Variants in TTC28 observed in about 807,000 individuals in gnomAD.
TTC28 encodes the protein tetratricopeptide repeat domain 28, also known as tetratricopeptide repeat protein 28.
A neutral mutation model predicts 198.0 loss-of-function variants in TTC28; 61 were observed. That is an observed-to-expected ratio of 0.31 (90% confidence interval 0.25 to 0.38). The LOEUF (loss-of-function observed/expected upper bound fraction) is 0.38. Ranked by LOEUF, TTC28 falls within the 10% of genes least tolerant of loss-of-function variation. TTC28 has a pLI of 1.00. For synonymous variants in TTC28, 1,171 were observed against 1,297.8 expected, an observed-to-expected ratio of 0.90 and a Z score of 2.10; for missense variants, 2,678 against 3,164.0, an observed-to-expected ratio of 0.85 and a Z score of 3.69.
intron 12 of TTC28, among the ~76,000 whole-genome samples, chr22:28,050,755 T>C (rs911037912): frequency 2.0e-5 from 3 of 152,170 alleles, no homozygotes; most frequent in East Asian, 1.9e-4. Context: ...GAGAATATTA[T>C]AGCAAAACTC....
chr22:28,196,275 CA>C (rs1925327457), intron 5 of TTC28, among the ~76,000 whole-genome samples: 1 of 152,042 alleles, frequency 6.6e-6, no homozygotes, highest in East Asian at 1.9e-4. Flanking sequence ...ATACCTTATA[CA>C]AAAATTAATT....
rs1937171776 is a variant in TTC28 at position 27,985,271 on chromosome 22, G to A, written c.5793C>T (p.Leu1931=). 1 of 1,551,420 alleles carries A rather than the reference G, an allele frequency of 6.4e-7. No homozygotes were observed. The part of the protein sequence containing the change: ...QANRRTVHFA[L]QSLLSLFDST... ...TACCAAACAGAGACAGCAGGGACTG[G>A]AGCGCGAAGTGCACAGTCCGTCGAT... is the stretch of plus-strand genomic sequence containing the variant. The change falls in exon 22 of 23, where the codon CTC becomes CTT. Residue 1931 remains leucine (L), a synonymous_variant. Coordinates refer to ENST00000397906, the MANE Select transcript of TTC28 (RefSeq NM_001145418.2).
At chr22:28,592,782 C>A (rs1448330485) in intron 2 of TTC28, among the ~76,000 whole-genome samples, 2 of 151,938 alleles carry the variant, frequency 1.3e-5, no homozygotes, top group Admixed American at 6.6e-5. Flanking sequence ...TTTTTGTTTT[C>A]TATTACCAAT....
chr22:28,002,368 G>A (rs1205616670), intron 14 of TTC28: 1 of 152,308 alleles, frequency 6.6e-6, no homozygotes, highest in African/African-American at 2.4e-5. Flanking sequence ...CACAGGGCCT[G>A]CGCAACACTG....
chr22:28,344,906 A>G (rs966970059), intron 2 of TTC28, among the ~76,000 whole-genome samples: 5 of 152,206 alleles, frequency 3.3e-5, no homozygotes, highest in African/African-American at 7.2e-5. Context: ...TTTTACATAA[A>G]TTAATGTTCT....
chr22:28,426,929 T>C (rs1353049905), intron 2 of TTC28, among the ~76,000 whole-genome samples: 1 of 152,226 alleles, frequency 6.6e-6, no homozygotes, highest in African/African-American at 2.4e-5. Context: ...CTCAAACTTA[T>C]CTGCCCTTCA....
chr22:28,010,225 T>C (rs981991796), intron 14 of TTC28, among the ~76,000 whole-genome samples: 4 of 152,194 alleles, frequency 2.6e-5, no homozygotes, highest in Admixed American at 2.0e-4. Flanking sequence ...TGCTTTTTGC[T>C]TTTCCCAGTG....
intron 7 of TTC28, among the ~76,000 whole-genome samples, chr22:28,106,338 C>G (rs753804299): frequency 1.3e-5 from 2 of 152,168 alleles, no homozygotes; most frequent in African/African-American, 2.4e-5. Flanking sequence ...GAGAAAGTAT[C>G]ACCTTGACCA....
At chr22:28,631,452 A>G (rs558776855) in intron 1 of TTC28, among the ~76,000 whole-genome samples, 17 of 152,340 alleles carry the variant, frequency 1.1e-4, no homozygotes, top group Admixed American at 3.3e-4. Context: ...TAAGTTTTCT[A>G]TAATTTTATA....
At chr22:28,028,280 T>C (rs1284768014) in intron 13 of TTC28, among the ~76,000 whole-genome samples, 7 of 152,236 alleles carry the variant, frequency 4.6e-5, no homozygotes, top group African/African-American at 1.7e-4. Context: ...TCCCCAGGGC[T>C]GGGCACAATA....
At chr22:28,632,690 G>A (rs2051197851) in intron 1 of TTC28, among the ~76,000 whole-genome samples, 1 of 151,424 alleles carries the variant, frequency 6.6e-6, no homozygotes, top group Non-Finnish European at 1.5e-5. Context: ...GAAAATTCAG[G>A]GGCATGACAT....
intron 2 of TTC28, among the ~76,000 whole-genome samples, chr22:28,567,092 G>A (rs921337614): frequency 2.6e-5 from 4 of 152,014 alleles, no homozygotes; most frequent in African/African-American, 9.7e-5. Flanking sequence ...GCGGACGCCT[G>A]TAATCCCAGC....
At chr22:28,458,014 A>G (rs1176963486) in intron 2 of TTC28, among the ~76,000 whole-genome samples, 1 of 152,106 alleles carries the variant, frequency 6.6e-6, no homozygotes, top group Non-Finnish European at 1.5e-5. Context: ...ATAAATGTGT[A>G]TCTTTTTTCC....
chr22:28,129,545 T>C (rs1348553030), intron 6 of TTC28, among the ~76,000 whole-genome samples: 1 of 152,208 alleles, frequency 6.6e-6, no homozygotes, highest in Non-Finnish European at 1.5e-5. Context: ...ACTTACCCTC[T>C]TGAACTTCAT....
At chr22:28,167,256 T>C (rs1392128650) in intron 5 of TTC28, among the ~76,000 whole-genome samples, 1 of 152,234 alleles carries the variant, frequency 6.6e-6, no homozygotes, top group Non-Finnish European at 1.5e-5. Context: ...AAGGAGGAGC[T>C]GGTACCATTC....
intron 12 of TTC28, among the ~76,000 whole-genome samples, chr22:28,076,923 C>T (rs939416107): frequency 1.4e-4 from 21 of 152,226 alleles, no homozygotes; most frequent in Middle Eastern, 3.4e-3. Flanking sequence ...CCCTGGTTGT[C>T]CTTTCTATAC....
intron 5 of TTC28, among the ~76,000 whole-genome samples, chr22:28,184,774 CT>C (rs1046721166): frequency 1.1e-4 from 17 of 151,536 alleles, no homozygotes; most frequent in African/African-American, 4.1e-4. Context: ...AAAATGAATA[CT>C]AAAAATATGT....
chr22:28,307,501 C>T (rs2045169377), intron 2 of TTC28, among the ~76,000 whole-genome samples: 1 of 152,124 alleles, frequency 6.6e-6, no homozygotes, highest in African/African-American at 2.4e-5. Context: ...CAGCCTTGAA[C>T]TCCTGGGCTC....
intron 5 of TTC28, among the ~76,000 whole-genome samples, chr22:28,171,583 G>A (rs148496795): frequency 1.4e-4 from 20 of 145,694 alleles, no homozygotes; most frequent in Middle Eastern, 3.7e-3. Flanking sequence ...AAATGACTGA[G>A]GAAACTTTTT....
Sources: allele counts gnomAD v4.1 joint callset (sites outside exome capture counted in the v4.1 genomes callset), GRCh38; gene constraint gnomAD v4.1.1; transcripts MANE v1.5; gene names NCBI Gene and HGNC (gene_info 2026-07-23, HGNC 2026-07-21).